The following IQSEC1 variants were observed in gnomAD, a reference collection of about 807,000 sequenced individuals.
IQSEC1 encodes IQ motif and Sec7 domain ArfGEF 1.
Under a neutral mutation model 91.0 loss-of-function variants are expected in IQSEC1, and 31 were observed. The ratio of observed to expected loss-of-function variants is 0.34; its 90% CI spans 0.26 to 0.46. IQSEC1 has a LOEUF of 0.46. Among genes scored for constraint, IQSEC1 ranks in the 20% least tolerant of loss-of-function variants. The probability of loss-of-function intolerance (pLI) is 1.00; values close to 1 mark genes in which losing one functional copy is unlikely to be tolerated. For synonymous variants in IQSEC1, 699 were observed against 662.6 expected (o/e 1.05, Z -0.84); for missense variants, 1,388 against 1,575.6 (o/e 0.88, Z 2.02).
At chr3:13,098,186 G>C (rs1705996655) in intron 2 of IQSEC1, among the ~76,000 whole-genome samples, 1 of 152,246 alleles carries the variant, frequency 6.6e-6, no homozygotes, top group South Asian at 2.1e-4. Flanking sequence ...ATGATGTGCA[G>C]CCTTCTTTCT....
In IQSEC1 at chr3:13,008,523, T is replaced by A. The variant is rs905892510; in HGVS notation, c.23+64469A>T. On this transcript the variant is annotated intron_variant, in intron 1 of 13. Transcript: ENST00000613206. The surrounding 1 kb of genome is among the most constrained non-coding windows in gnomAD (Gnocchi z 4.1). ...ACCTCCTTCTTGCTCTCAGTTCCCC[T>A]CCTCAGGGAGGCCCTCACTGACCAC... Among the ~76,000 whole-genome samples the A allele has an allele frequency of 1.3e-5, 2 of 152,100 alleles. No individual in the cohort carries two copies. Among genetic ancestry groups the A allele is most frequent in the African/African-American group, 2.4e-5 (1 of 41,414 alleles).
At chr3:13,153,825 T>C (rs1707038799) in intron 2 of IQSEC1, among the ~76,000 whole-genome samples, 1 of 152,100 alleles carries the variant, frequency 6.6e-6, no homozygotes, top group Admixed American at 6.5e-5. Flanking sequence ...GTCTGAGCCA[T>C]CTCCAGGAGC....
At chr3:13,272,829 C>T (rs1695611758) in intron 1 of IQSEC1, among the ~76,000 whole-genome samples, 1 of 152,146 alleles carries the variant, frequency 6.6e-6, no homozygotes, top group African/African-American at 2.4e-5. Flanking sequence ...TGTGAAGAGG[C>T]TGCAGCGTTA....
chr3:13,210,692 C>T (rs1187787422), intron 1 of IQSEC1, among the ~76,000 whole-genome samples: 2 of 152,142 alleles, frequency 1.3e-5, no homozygotes, highest in African/African-American at 2.4e-5. Flanking sequence ...TCTGAGTTTT[C>T]CTAAGAAGGA....
chr3:13,279,300 C>T (rs1019561793), intron 1 of IQSEC1, among the ~76,000 whole-genome samples: 6 of 152,196 alleles, frequency 3.9e-5, no homozygotes, highest in Non-Finnish European at 8.8e-5. Flanking sequence ...ATGTAGCCAA[C>T]CAGACATTGG....
chr3:13,085,556 CG>C (rs1000596800), intron 2 of IQSEC1, among the ~76,000 whole-genome samples: 16 of 152,328 alleles, frequency 1.1e-4, no homozygotes, highest in Non-Finnish European at 1.5e-4. Flanking sequence ...CTGCAGGAGA[CG>C]GGGTGTCCAG....
chr3:12,914,985 A>G (rs1695935788), intron 8 of IQSEC1, 119 bp downstream of exon 8: 3 of 974,062 alleles, frequency 3.1e-6, no homozygotes, highest in Non-Finnish European at 4.8e-6. Context: ...CACCCCAGCA[A>G]TGAACTCAAG....
rs1388961324 is a variant in IQSEC1 at position 12,940,253 on chromosome 3, T to C, written c.318+1318A>G. On this transcript the variant is annotated intron_variant, in intron 2 of 13. Transcript: ENST00000613206. This position sits in a 1 kb window ranked among gnomAD's most constrained non-coding sequence, Gnocchi z 4.4. ...AGGTGAGGAAGGGGCTGATGGGGGCTTCCCTGTCAAGAGAGTGGACGACCC... is the reference window on the plus strand; with the variant it reads ...AGGTGAGGAAGGGGCTGATGGGGGCCTCCCTGTCAAGAGAGTGGACGACCC... 6.6e-6 allele frequency among the ~76,000 whole-genome samples: 1 copy of C among 151,880 alleles called. No individual in the cohort carries two copies. Among genetic ancestry groups the C allele is most frequent in the Admixed American group, 6.6e-5 (1 of 15,232 alleles).
chr3:13,011,815 T>G (rs1702895926), intron 1 of IQSEC1, among the ~76,000 whole-genome samples: 1 of 152,158 alleles, frequency 6.6e-6, no homozygotes. Flanking sequence ...TTTCAACACA[T>G]GATTGTTTTG....
intron 1 of IQSEC1, among the ~76,000 whole-genome samples, chr3:13,171,859 G>A (rs963754430): frequency 2.0e-5 from 3 of 152,170 alleles, no homozygotes; most frequent in South Asian, 2.1e-4. Context: ...GAGGCTCCCC[G>A]ACTGGTTAGA....
Position 13,103,046 on chromosome 3 carries a change from C to T in IQSEC1, c.303-55524G>A, listed in dbSNP as rs942299672. On this transcript the variant is annotated intron_variant, in intron 2 of 15. Transcript: ENST00000648114. The surrounding 1 kb of genome is among the most constrained non-coding windows in gnomAD (Gnocchi z 4.1). ...CTACCTCAACCTGTGGGCTGGATGT[C>T]GGAAGGGACTCTGACTTCTGCGCAG... Among the ~76,000 whole-genome samples, 1 of 152,054 alleles carries T rather than the reference C, an allele frequency of 6.6e-6. No individual in the cohort carries two copies.
At chr3:12,920,714 G>T (rs1696552640) in intron 5 of IQSEC1, 118 bp from the exon 6 acceptor site, 14 of 1,058,756 alleles carry the variant, frequency 1.3e-5, no homozygotes, top group Non-Finnish European at 1.4e-5. Context: ...GGTGAGCGAG[G>T]ATCACACCTG....
chr3:13,082,142 G>T (rs1262718572), intron 2 of IQSEC1, among the ~76,000 whole-genome samples: 1 of 152,318 alleles, frequency 6.6e-6, no homozygotes, highest in Admixed American at 6.5e-5. Flanking sequence ...TCCCAGCTCT[G>T]TCACCTACTA....
chr3:13,197,806 C>A (rs902324344), intron 1 of IQSEC1, among the ~76,000 whole-genome samples: 1 of 152,208 alleles, frequency 6.6e-6, no homozygotes. Context: ...ATAGTCAAGG[C>A]CGAATTAGGC....
Position 12,901,281 on chromosome 3 carries a change from G to A in IQSEC1, c.3047C>T (p.Pro1016Leu). ...CATGGCGGCCTGCGGCAGCCCCTCT[G>A]GGGGCCCCAGGTGGTGGCCAGCCAC... ...HSVAGHHLGP[P>L]EGLPQAAMHG... The change falls in exon 14 of 14, where the codon CCA (proline) becomes CTA (leucine). Residue 1016 changes from proline to leucine, a missense_variant. Physicochemically the swap from Pro to Leu is moderately conservative, Grantham distance 98. Coordinates refer to ENST00000613206, the MANE Select transcript of IQSEC1 (RefSeq NM_001134382.3). 1 of 1,548,414 alleles carries A rather than the reference G, an allele frequency of 6.5e-7. No homozygotes were observed. Among genetic ancestry groups the A allele is most frequent in the Non-Finnish European group, 8.7e-7 (1 of 1,146,648 alleles).
At chr3:13,164,637 AC>A (rs1263848952) in intron 1 of IQSEC1, among the ~76,000 whole-genome samples, 9 of 152,224 alleles carry the variant, frequency 5.9e-5, no homozygotes, top group African/African-American at 1.9e-4. Context: ...CAACCATATT[AC>A]AAAGGAGACA....
chr3:13,021,926 T>G, intron 1 of IQSEC1: 5 of 688,984 alleles, frequency 7.3e-6, no homozygotes, highest in Non-Finnish European at 6.1e-6. Flanking sequence ...TGAAAGTTGC[T>G]CCAGCTCCCT....
chr3:13,121,780 A>G (rs1195432505), intron 2 of IQSEC1, among the ~76,000 whole-genome samples: 2 of 152,174 alleles, frequency 1.3e-5, no homozygotes, highest in African/African-American at 4.8e-5. Context: ...CTGGAGCAAC[A>G]GGGCGGCCCC....
At chr3:13,263,081 C>G (rs1016708752) in intron 1 of IQSEC1, among the ~76,000 whole-genome samples, 3 of 152,060 alleles carry the variant, frequency 2.0e-5, no homozygotes, top group African/African-American at 7.2e-5. Flanking sequence ...AACCTTGTCT[C>G]TACTAAAAAT....
Sources: gnomAD v4.1 joint callset for allele counts (sites outside exome capture counted in the v4.1 genomes callset) on GRCh38, gnomAD v4.1.1 for gene constraint, Gnocchi (gnomAD v3.1) non-coding constraint, MANE v1.5 for transcripts, NCBI Gene and HGNC (gene_info 2026-07-23, HGNC 2026-07-21) for gene names.